SLC35E2B: variants seen among roughly 807,000 people sequenced by gnomAD.
SLC35E2B encodes the protein solute carrier family 35, member E2B.
In SLC35E2B, 18 loss-of-function variants were observed where a neutral mutation model predicts 32.4. The ratio of observed to expected loss-of-function variants is 0.56; its 90% CI spans 0.38 to 0.82. SLC35E2B has a LOEUF of 0.82. Ranked by LOEUF, SLC35E2B falls within the 40% of genes least tolerant of loss-of-function variation. The probability of loss-of-function intolerance (pLI) is 0.00; values close to 1 mark genes in which losing one functional copy is unlikely to be tolerated. For missense variants in SLC35E2B, 263 were observed against 469.5 expected, an observed-to-expected ratio of 0.56 and a Z score of 4.06; for synonymous variants, 132 against 209.1, an observed-to-expected ratio of 0.63 and a Z score of 3.18.
intron 2 of SLC35E2B, among the ~76,000 whole-genome samples, chr1:1,683,692 G>C (rs545044612): frequency 3.3e-5 from 5 of 151,812 alleles, no homozygotes; most frequent in Non-Finnish European, 7.4e-5. Flanking sequence ...CTGGTGTTCT[G>C]GCGACCAGTC....
Position 1,666,119 on chromosome 1 carries a change from G to A in SLC35E2B, c.981-100C>T, listed in dbSNP as rs1570307844. On this transcript the variant is annotated intron_variant, in intron 9 of 9. Coordinates refer to ENST00000617444, the MANE Select transcript of SLC35E2B (RefSeq NM_001290264.2). ...AGCCTGGGTCTGGAGGCTGGGTGGG[G>A]TTGGGGGACTCAGCGTCACGGTGAC... The A allele has an allele frequency of 3.7e-6, 5 of 1,363,732 alleles. No individual in the cohort carries two copies. The East Asian group carries it at 1.0e-4, about 28-fold the overall frequency. 84.5% of individuals were successfully genotyped at this position (1,363,732 alleles called of 1,614,324 possible). A position where few individuals can be genotyped will look rare whatever the true frequency, so the allele number is the denominator to read the frequency against.
In SLC35E2B at chr1:1,662,532, C is replaced by A; in HGVS notation, c.*3250G>T. ...TTTGCTGATGATAGTCTCTGTTCAG[C>A]TGTTTAAAATGACTGTCTGACTCAC... On this transcript the variant is annotated 3_prime_UTR_variant, in exon 10 of 10. Coordinates refer to ENST00000617444, the MANE Select transcript of SLC35E2B (RefSeq NM_001290264.2). The A allele has an allele frequency of 6.6e-6, 5 of 759,422 alleles. No homozygotes were observed. Among genetic ancestry groups the A allele is most frequent in the Non-Finnish European group, 8.0e-6 (5 of 623,566 alleles). The allele number at this position is 759,422 out of a possible 1,614,324, so 47.0% of individuals were successfully genotyped here.
intron 2 of SLC35E2B, among the ~76,000 whole-genome samples, chr1:1,683,792 C>T (rs929277331): frequency 6.6e-6 from 1 of 152,106 alleles, no homozygotes; most frequent in East Asian, 1.9e-4. Context: ...TGATCTGAAC[C>T]ACTCCTGTCA....
At chr1:1,675,419 G>A (rs749514597) in intron 5 of SLC35E2B, 44 bp downstream of exon 5, 2 of 1,603,840 alleles carry the variant, frequency 1.2e-6, no homozygotes, top group African/African-American at 2.7e-5. Context: ...TGGAGGCCTG[G>A]GATGGTGGGG....
chr1:1,663,015 C>T lies in SLC35E2B; in HGVS notation c.*2767G>A. 1 of 947,438 alleles carries T rather than the reference C, an allele frequency of 1.1e-6. No homozygotes were observed. 58.7% of individuals were successfully genotyped at this position (947,438 alleles called of 1,614,324 possible). ...TGGTGCCCGGCTGTGCTGGGAATGC[C>T]ATGAAGACCAGCGGCTGGAAACTGA... On this transcript the variant is annotated 3_prime_UTR_variant, in exon 10 of 10. Coordinates refer to ENST00000617444, the MANE Select transcript of SLC35E2B (RefSeq NM_001290264.2).
chr1:1,673,684 C>T (rs1403509589), intron 5 of SLC35E2B, among the ~76,000 whole-genome samples: 3 of 147,098 alleles, frequency 2.0e-5, no homozygotes, highest in Non-Finnish European at 4.5e-5. Flanking sequence ...AAAAGAGGGC[C>T]GGCTGTGGTG....
intron 2 of SLC35E2B, among the ~76,000 whole-genome samples, chr1:1,688,027 G>C (rs909638248): frequency 2.0e-4 from 30 of 152,252 alleles, no homozygotes; most frequent in African/African-American, 7.2e-4. Context: ...TGTTGGCTGC[G>C]CCGAAAGTTT....
intron 2 of SLC35E2B, among the ~76,000 whole-genome samples, chr1:1,681,325 G>T (rs1643897961): frequency 6.6e-6 from 1 of 151,818 alleles, no homozygotes; most frequent in African/African-American, 2.4e-5. Flanking sequence ...AGCCTCTGAA[G>T]TAGCTGGGAC....
At chr1:1,681,854 G>A (rs1443885062) in intron 2 of SLC35E2B, among the ~76,000 whole-genome samples, 3 of 150,816 alleles carry the variant, frequency 2.0e-5, no homozygotes, top group African/African-American at 7.3e-5. Flanking sequence ...GCGTGGTGGC[G>A]GGCGCCTGTA....
chr1:1,669,854 A>G (rs1343489729), intron 7 of SLC35E2B, 118 bp from the exon 8 acceptor site: 1 of 1,114,162 alleles, frequency 9.0e-7, no homozygotes, highest in Non-Finnish European at 1.3e-6. Context: ...TTCTCTCTAG[A>G]CAGGACTAGG....
intron 9 of SLC35E2B, among the ~76,000 whole-genome samples, chr1:1,666,335 A>G (rs1643545362): frequency 6.6e-6 from 1 of 152,074 alleles, no homozygotes; most frequent in African/African-American, 2.4e-5. Context: ...AGAGGAGGAG[A>G]AACCTAAGTA....
At chr1:1,682,040 A>G (rs1003994685) in intron 2 of SLC35E2B, among the ~76,000 whole-genome samples, 10 of 107,492 alleles carry the variant, frequency 9.3e-5, no homozygotes, top group African/African-American at 3.2e-4. Context: ...AAAAAAAAAA[A>G]GAAGAGACAG....
At chr1:1,685,672 C>T (rs1456061631) in intron 2 of SLC35E2B, among the ~76,000 whole-genome samples, 3 of 152,042 alleles carry the variant, frequency 2.0e-5, no homozygotes, top group African/African-American at 4.8e-5. Context: ...ATCAAACAAA[C>T]GACACAATCA....
intron 2 of SLC35E2B, among the ~76,000 whole-genome samples, chr1:1,688,472 T>C (rs535261240): frequency 6.6e-6 from 1 of 151,726 alleles, no homozygotes; most frequent in African/African-American, 2.4e-5. Context: ...TGATGGCGCG[T>C]GCCTGTAATC....
chr1:1,686,795 G>A (rs965702910), intron 2 of SLC35E2B, among the ~76,000 whole-genome samples: 4 of 151,674 alleles, frequency 2.6e-5, no homozygotes, highest in African/African-American at 9.7e-5. Flanking sequence ...GGAGGCTCAC[G>A]CCTGTAATCC....
In SLC35E2B at chr1:1,663,617, C is replaced by G. The variant is rs1250533630; in HGVS notation, c.*2165G>C. The G allele has an allele frequency of 4.1e-6, 1 of 242,422 alleles. No individual in the cohort carries two copies. Among genetic ancestry groups the G allele is most frequent in the African/African-American group, 2.3e-5 (1 of 43,816 alleles). The allele number at this position is 242,422 out of a possible 1,614,324, so 15.0% of individuals were successfully genotyped here. A position where few individuals can be genotyped will look rare whatever the true frequency, so the allele number is the denominator to read the frequency against. ...TCCTGAGTATCTGGGATTACAGGCA[C>G]CCACCATCGCACCCAGCTAATTTTT... On this transcript the variant is annotated 3_prime_UTR_variant, in exon 10 of 10. Transcript: ENST00000617444.
At chr1:1,692,221 G>C (rs1474615390) in intron 1 of SLC35E2B, among the ~76,000 whole-genome samples, 1 of 135,734 alleles carries the variant, frequency 7.4e-6, no homozygotes, top group African/African-American at 3.0e-5. Flanking sequence ...GGTCGCCGTG[G>C]ACTCCCGGAC....
chr1:1,673,625 G>C lies in SLC35E2B; in HGVS notation c.586+1838C>G, dbSNP rs568813239. On this transcript the variant is annotated intron_variant, in intron 5 of 9. Coordinates refer to ENST00000617444, the MANE Select transcript of SLC35E2B (RefSeq NM_001290264.2). ...GCAGAGGCTGCAGTGAGCCAAGATT[G>C]CGCCACTGCACTCCAGCCTGGGCAA... Among the ~76,000 whole-genome samples the C allele has an allele frequency of 1.8e-3, 277 of 151,990 alleles. 1 individual carries two copies. The highest frequency in any genetic ancestry group is 3.4e-3 in the Non-Finnish European group (229 of 67,968).
At position 1,665,257 on chromosome 1, in the gene SLC35E2B, A is replaced by C. The variant is rs889532158; in HGVS notation, c.*525T>G. The stretch of plus-strand genomic sequence containing the variant: ...CTGGGTCAGGTGGGGAGAAGTTCTG[A>C]GTGCCCACCGTGGCAGCAGGAGACC... On this transcript the variant is annotated 3_prime_UTR_variant, in exon 10 of 10. Coordinates refer to ENST00000617444, the MANE Select transcript of SLC35E2B (RefSeq NM_001290264.2). The C allele has an allele frequency of 4.1e-6, 1 of 244,842 alleles. No individual in the cohort carries two copies. 15.2% of individuals were successfully genotyped at this position (244,842 alleles called of 1,614,324 possible).
Sources: allele counts gnomAD v4.1 joint callset (sites outside exome capture counted in the v4.1 genomes callset), GRCh38; gene constraint gnomAD v4.1.1; transcripts MANE v1.5; gene names NCBI Gene and HGNC (gene_info 2026-07-23, HGNC 2026-07-21).